The following ERCC8 variants were observed in gnomAD, a reference collection of about 807,000 sequenced individuals.
ERCC8 encodes the protein DNA excision repair protein ERCC-8.
A neutral mutation model predicts 54.9 loss-of-function variants in ERCC8; 52 were observed. The ratio of observed to expected loss-of-function variants is 0.95; its 90% CI spans 0.76 to 1.19. ERCC8 has a LOEUF of 1.19. Among genes scored for constraint, ERCC8 ranks in the 50% most tolerant of loss-of-function variants. The probability of loss-of-function intolerance (pLI) is 0.00; values close to 1 mark genes in which losing one functional copy is unlikely to be tolerated. For synonymous variants in ERCC8, 146 were observed against 157.2 expected (o/e 0.93, Z 0.53); for missense variants, 514 against 466.1 (o/e 1.10, Z -0.95).
At chr5:60,926,726 C>T (rs760977099) in intron 2 of ERCC8, among the ~76,000 whole-genome samples, 8 of 152,182 alleles carry the variant, frequency 5.3e-5, no homozygotes, top group South Asian at 4.1e-4. Flanking sequence ...TACATGTATA[C>T]TACAACCAAT....
intron 9 of ERCC8, among the ~76,000 whole-genome samples, chr5:60,891,442 T>G (rs188348629): frequency 6.6e-6 from 1 of 152,158 alleles, no homozygotes; most frequent in African/African-American, 2.4e-5. Context: ...AATTTGGCTA[T>G]TCTTTCTAAA....
chr5:60,904,166 T>C (rs1321751843), intron 5 of ERCC8, among the ~76,000 whole-genome samples: 2 of 152,042 alleles, frequency 1.3e-5, no homozygotes, highest in Non-Finnish European at 2.9e-5. Flanking sequence ...AAGTTAATGA[T>C]ATACTTCCAA....
intron 9 of ERCC8, among the ~76,000 whole-genome samples, chr5:60,897,903 G>A (rs948319170): frequency 6.6e-6 from 1 of 152,100 alleles, no homozygotes; most frequent in African/African-American, 2.4e-5. Flanking sequence ...TTCAGATTTT[G>A]GAACATTTCA....
rs144343445 is a variant in ERCC8, at chr5:60,870,091, T to TAACAAAACAA, written c.*4514_*4523dup. Among the ~76,000 whole-genome samples the TAACAAAACAA allele has an allele frequency of 2.0e-5, 3 of 152,072 alleles. No homozygotes were observed. In the South Asian group the frequency reaches 6.2e-4, roughly 32 times the overall value. On this transcript the variant is annotated 3_prime_UTR_variant, in exon 12 of 12. Coordinates refer to ENST00000676185, the MANE Select transcript of ERCC8 (RefSeq NM_000082.4). ...TCTCCACTATATTTTTGCAAGTGCT[T>TAACAAAACAA]AACAAAACAAAACAAAACAAAACAA...
chr5:60,924,379 A>T (rs1749690027), intron 2 of ERCC8: 1 of 154,172 alleles, frequency 6.5e-6, no homozygotes, highest in African/African-American at 2.4e-5. Flanking sequence ...TAATGAGAAC[A>T]ACAGTCTCTG....
chr5:60,900,776 T>C (rs540845225), intron 7 of ERCC8: 1 of 152,194 alleles, frequency 6.6e-6, no homozygotes, highest in South Asian at 2.1e-4. Context: ...ACTAGGTCCA[T>C]TGTGGTACTG....
At chr5:60,884,350 C>T (rs1748331182) in intron 11 of ERCC8, among the ~76,000 whole-genome samples, 3 of 151,614 alleles carry the variant, frequency 2.0e-5, no homozygotes, top group Admixed American at 2.0e-4. Context: ...GTGGTGGGCG[C>T]CTGTAGTCCC....
Position 60,945,052 on chromosome 5 carries a change from A to G in ERCC8, c.-44T>C, listed in dbSNP as rs762922071. 7.1e-6 allele frequency: 11 copies of G among 1,555,376 alleles called. No individual in the cohort carries two copies. The Admixed American group carries it at 1.0e-4, about 14-fold the overall frequency. ...CTGGAGCACTGGACGTCGCCATGAC[A>G]GAGCTCAGGGGCGGGACTGGAACAG... On this transcript the variant is annotated 5_prime_UTR_variant, in exon 1 of 12. Transcript: ENST00000676185.
rs1225656260 is a variant in ERCC8 at position 60,904,630 on chromosome 5, GTGTGTATATATATATATATATATATATA to G, written c.481+134_481+161del. On this transcript the variant is annotated intron_variant, in intron 5 of 11. Coordinates refer to ENST00000676185, the MANE Select transcript of ERCC8 (RefSeq NM_000082.4). ...TCTGTTGAATATATATAGTGTGTGT[GTGTGTATATATATATATATATATATATA>G]TATATATATATATATATATATATAT... 5.2e-4 allele frequency among the ~76,000 whole-genome samples: 23 copies of G among 44,580 alleles called. 1 individual carries two copies. The highest frequency in any genetic ancestry group is 2.2e-3 in the South Asian group (3 of 1,374). 29.2% of individuals were successfully genotyped at this position (44,580 alleles called of 152,430 possible). A position where few individuals can be genotyped will look rare whatever the true frequency, so the allele number is the denominator to read the frequency against.
rs543501775 is a variant in ERCC8, at chr5:60,897,920, A to T, written c.843+356T>A. Among the ~76,000 whole-genome samples, 29 of 152,346 alleles carry T rather than the reference A, an allele frequency of 1.9e-4. No individual in the cohort carries two copies. In the South Asian group the frequency reaches 5.6e-3, roughly 29 times the overall value. ...CAGATTTTGGAACATTTCAGATTTC[A>T]GATTTTCAGATTAGGGATACTCAAC... On this transcript the variant is annotated intron_variant, in intron 9 of 11. Coordinates refer to ENST00000676185, the MANE Select transcript of ERCC8 (RefSeq NM_000082.4).
chr5:60,912,089 T>C (rs1012192129), intron 4 of ERCC8, among the ~76,000 whole-genome samples: 6 of 152,006 alleles, frequency 3.9e-5, no homozygotes, highest in Non-Finnish European at 7.4e-5. Context: ...TTTTTTGGTT[T>C]CATATGAACT....
chr5:60,926,824 A>G (rs1391350934), intron 2 of ERCC8, among the ~76,000 whole-genome samples: 1 of 152,242 alleles, frequency 6.6e-6, no homozygotes, highest in African/African-American at 2.4e-5. Context: ...AAACAAAATT[A>G]TGTTAAAAGT....
At chr5:60,900,498 G>C (rs1748844809) in intron 7 of ERCC8, among the ~76,000 whole-genome samples, 1 of 151,966 alleles carries the variant, frequency 6.6e-6, no homozygotes, top group African/African-American at 2.4e-5. Flanking sequence ...ATTTTAATAA[G>C]AGAGAGCATT....
intron 1 of ERCC8, among the ~76,000 whole-genome samples, chr5:60,943,805 C>T (rs1188741048): frequency 6.6e-6 from 1 of 151,886 alleles, no homozygotes; most frequent in East Asian, 1.9e-4. Flanking sequence ...TGAAGGTGAA[C>T]TTATAGACAT....
chr5:60,892,683 G>T, intron 9 of ERCC8: 1 of 668,948 alleles, frequency 1.5e-6, no homozygotes, highest in Admixed American at 2.1e-5. Context: ...CATGGGGTCT[G>T]CCAGTCTCTA....
intron 2 of ERCC8, chr5:60,924,158 G>A (rs577781756): frequency 6.6e-6 from 1 of 152,104 alleles, no homozygotes; most frequent in Non-Finnish European, 1.5e-5. Context: ...GCATTCATGT[G>A]CTATAATTTA....
chr5:60,890,306 A>G (rs1748509520), intron 10 of ERCC8, among the ~76,000 whole-genome samples: 1 of 152,198 alleles, frequency 6.6e-6, no homozygotes, highest in African/African-American at 2.4e-5. Flanking sequence ...CTATCTTGCA[A>G]TGTTATACTC....
At chr5:60,888,275 A>C (rs948472812) in intron 10 of ERCC8, among the ~76,000 whole-genome samples, 15 of 152,232 alleles carry the variant, frequency 9.9e-5, no homozygotes, top group Non-Finnish European at 1.8e-4. Context: ...AGTAATTTAT[A>C]GAAAATGTAG....
At chr5:60,892,428 T>C in intron 9 of ERCC8, 2 of 552,068 alleles carry the variant, frequency 3.6e-6, no homozygotes, top group Non-Finnish European at 7.3e-6. Context: ...TCCTTAATTC[T>C]CAGCACTGAG....
Sources: allele counts gnomAD v4.1 joint callset (sites outside exome capture counted in the v4.1 genomes callset), GRCh38; gene constraint gnomAD v4.1.1; transcripts MANE v1.5; gene names NCBI Gene and HGNC (gene_info 2026-07-23, HGNC 2026-07-21).